The following NBEAL1 variants were observed in gnomAD, a reference collection of about 807,000 sequenced individuals.
The protein encoded by NBEAL1 is neurobeachin like 1.
In NBEAL1, 273 loss-of-function variants were observed where a neutral mutation model predicts 351.3. That is an observed-to-expected ratio of 0.78 (90% CI 0.70 to 0.86). The LOEUF is 0.86. Among genes scored for constraint, NBEAL1 ranks in the 40% least tolerant of loss-of-function variants. The pLI is 0.00. For missense variants in NBEAL1, 2,961 were observed against 3,201.3 expected (o/e 0.92, Z 1.81); for synonymous variants, 1,050 against 1,086.4 (o/e 0.97, Z 0.66).
intron 55 of NBEAL1, among the ~76,000 whole-genome samples, chr2:203,215,612 CAGG>C (rs2065882950): frequency 6.6e-6 from 1 of 151,744 alleles, no homozygotes; most frequent in African/African-American, 2.4e-5. Context: ...CGCTTGAACC[CAGG>C]AGGCGCAGGT....
chr2:203,217,793 G>T lies in NBEAL1; in HGVS notation c.*439G>T. On this transcript the variant is annotated 3_prime_UTR_variant, in exon 56 of 56. Transcript: ENST00000683969. ...TTTATTTATGGAACTCCTGATTGGGGATAATATTTTAAAGGTATCTGTTGC... is the reference window on the plus strand; with the variant it reads ...TTTATTTATGGAACTCCTGATTGGGTATAATATTTTAAAGGTATCTGTTGC... 1.0e-6 allele frequency: 1 copy of T among 982,610 alleles called. No individual in the cohort carries two copies. Among genetic ancestry groups the T allele is most frequent in the African/African-American group, 1.7e-5 (1 of 57,290 alleles). The allele number at this position is 982,610 out of a possible 1,614,324, so 60.9% of individuals were successfully genotyped here.
At chr2:203,118,344 A>G (rs1407267490) in intron 18 of NBEAL1, among the ~76,000 whole-genome samples, 1 of 152,200 alleles carries the variant, frequency 6.6e-6, no homozygotes. Context: ...TTTAGAAATG[A>G]ATCCTGGATC....
At chr2:203,101,496 C>T (rs773703654) in intron 12 of NBEAL1, among the ~76,000 whole-genome samples, 36 of 152,006 alleles carry the variant, frequency 2.4e-4, no homozygotes, top group Non-Finnish European at 2.9e-4. Flanking sequence ...TTTTTTGGTT[C>T]CATATTAATT....
chr2:203,203,769 A>C (rs1167879599), intron 51 of NBEAL1, among the ~76,000 whole-genome samples: 1 of 152,000 alleles, frequency 6.6e-6, no homozygotes, highest in Non-Finnish European at 1.5e-5. Flanking sequence ...ATTTCTTGGT[A>C]ATTTATTTAT....
intron 44 of NBEAL1, among the ~76,000 whole-genome samples, chr2:203,187,754 A>AT (rs1034444724): frequency 2.1e-4 from 32 of 152,030 alleles, no homozygotes; most frequent in African/African-American, 7.2e-4. Context: ...CAAAAAAAAA[A>AT]AAATCAAATA....
At chr2:203,188,188 G>A (rs2064966476) in intron 44 of NBEAL1, among the ~76,000 whole-genome samples, 2 of 151,796 alleles carry the variant, frequency 1.3e-5, no homozygotes, top group Admixed American at 1.3e-4. Flanking sequence ...CTCTTTTGCT[G>A]TTGTTTTTGG....
intron 36 of NBEAL1, among the ~76,000 whole-genome samples, chr2:203,163,789 C>T (rs181098548): frequency 6.6e-6 from 1 of 152,080 alleles, no homozygotes; most frequent in African/African-American, 2.4e-5. Context: ...CTTTAATCTC[C>T]AGGGTTATTT....
At position 203,127,925 on chromosome 2, in the gene NBEAL1, T is replaced by C. The variant is rs1338190804; in HGVS notation, c.3393T>C (p.Asn1131=). 1 of 1,549,514 alleles carries C rather than the reference T, an allele frequency of 6.5e-7. No individual in the cohort carries two copies. Among genetic ancestry groups the C allele is most frequent in the Admixed American group, 2.0e-5 (1 of 50,704 alleles). ...QSIMGYIAAT[N]EEEQLFGILD... ...TTATGGGGTACATAGCTGCTACTAA[T>C]GAAGAAGAACAGGTATTATGCCTAA... is the stretch of plus-strand genomic sequence containing the variant. The change falls in exon 24 of 56, where the codon AAT becomes AAC. Residue 1131 remains asparagine (N), a synonymous_variant. Coordinates refer to ENST00000683969, the MANE Select transcript of NBEAL1 (RefSeq NM_001378026.1).
Position 203,113,189 on chromosome 2 carries a change from A to C in NBEAL1, c.2377A>C (p.Lys793Gln). ...AATTGAAAAATCAAAATTGATTACC[A>C]AATTGATATCAGCTGGAACCCAAGA... Reference protein sequence around the residue: ...GTIEKSKLITKLISAGTQDSE... With the variant: ...GTIEKSKLITQLISAGTQDSE... The change falls in exon 17 of 56, where the codon AAA (lysine) becomes CAA (glutamine). Residue 793 changes from lysine (K) to glutamine (Q), a missense_variant. By Grantham distance (53) the Lys-to-Gln change is moderately conservative. Transcript: ENST00000683969. 1 of 1,551,656 alleles carries C rather than the reference A, an allele frequency of 6.4e-7. No individual in the cohort carries two copies. Among genetic ancestry groups the C allele is most frequent in the Non-Finnish European group, 8.7e-7 (1 of 1,146,760 alleles).
chr2:203,054,164 G>A (rs1394848948), intron 4 of NBEAL1, among the ~76,000 whole-genome samples: 1 of 152,084 alleles, frequency 6.6e-6, no homozygotes, highest in Admixed American at 6.5e-5. Context: ...AGTGGCTCAC[G>A]CCTGTAATCC....
At position 203,224,660 on chromosome 2, in the gene NBEAL1, A is replaced by T. The variant is rs2065989751; in HGVS notation, c.*7306A>T. ...AAATTGTGCTGCTACTTAAATATTGAAGGAATTCAGAAAGTTGTGTATTTA... is the reference window on the plus strand; with the variant it reads ...AAATTGTGCTGCTACTTAAATATTGTAGGAATTCAGAAAGTTGTGTATTTA... On this transcript the variant is annotated 3_prime_UTR_variant, in exon 56 of 56. Coordinates refer to ENST00000683969, the MANE Select transcript of NBEAL1 (RefSeq NM_001378026.1). 6.6e-6 allele frequency among the ~76,000 whole-genome samples: 1 copy of T among 152,122 alleles called. No individual in the cohort carries two copies. The highest frequency in any genetic ancestry group is 2.1e-4 in the South Asian group (1 of 4,832).
intron 38 of NBEAL1, among the ~76,000 whole-genome samples, chr2:203,168,022 T>A (rs2064190923): frequency 6.6e-6 from 1 of 152,234 alleles, no homozygotes; most frequent in African/African-American, 2.4e-5. Flanking sequence ...AATAACTAAT[T>A]TTCCATTCTT....
chr2:203,086,074 G>A (rs574202818), intron 10 of NBEAL1: 2 of 152,250 alleles, frequency 1.3e-5, no homozygotes, highest in South Asian at 2.1e-4. Flanking sequence ...AGTTAATGCA[G>A]ATTTGTAGAA....
intron 7 of NBEAL1, chr2:203,075,270 A>G (rs904005607): frequency 1.3e-5 from 2 of 152,112 alleles, no homozygotes; most frequent in East Asian, 1.9e-4. Flanking sequence ...TTCTTATTTA[A>G]ATTTATTGAG....
rs982946518 is a variant in NBEAL1, at chr2:203,041,820, A to T, written c.107A>T (p.Gln36Leu). 10 of 1,554,144 alleles carry T rather than the reference A, an allele frequency of 6.4e-6. No homozygotes were observed. The highest frequency in any genetic ancestry group is 8.7e-6 in the Non-Finnish European group (10 of 1,147,616). The change falls in exon 3 of 56, where the codon CAA becomes CTA. Residue 36 changes from glutamine (Q) to leucine (L), a missense_variant. Coordinates refer to ENST00000683969, the MANE Select transcript of NBEAL1 (RefSeq NM_001378026.1). ...WLDTFVSSYE[Q>L]FLDVDFEKLP... ...GACACTTTTGTTTCTAGCTATGAAC[A>T]ATTTTTAGACGTTGACTTTGAAAAG...
At chr2:203,131,190 A>G (rs1019963757) in intron 25 of NBEAL1, among the ~76,000 whole-genome samples, 1 of 152,138 alleles carries the variant, frequency 6.6e-6, no homozygotes, top group Non-Finnish European at 1.5e-5. Flanking sequence ...CTACAGATGA[A>G]TTTCAGTCCA....
intron 51 of NBEAL1, 94 bp downstream of exon 51, chr2:203,202,875 G>C (rs943784085): frequency 1.4e-6 from 1 of 723,372 alleles, no homozygotes; most frequent in Non-Finnish European, 2.4e-6. Flanking sequence ...TTGTTTTCTG[G>C]CAGTGACTGA....
At chr2:203,064,644 G>A (rs1467288569) in intron 6 of NBEAL1, among the ~76,000 whole-genome samples, 1 of 152,170 alleles carries the variant, frequency 6.6e-6, no homozygotes, top group Non-Finnish European at 1.5e-5. Flanking sequence ...AAAAAGGAGG[G>A]CTGGAGGACA....
intron 24 of NBEAL1, among the ~76,000 whole-genome samples, chr2:203,128,849 G>C (rs1453647684): frequency 6.6e-6 from 1 of 152,088 alleles, no homozygotes; most frequent in African/African-American, 2.4e-5. Context: ...GCCCGCCTCG[G>C]CCTCCCAAAG....
Sources: gnomAD v4.1 joint callset for allele counts (sites outside exome capture counted in the v4.1 genomes callset) on GRCh38, gnomAD v4.1.1 for gene constraint, MANE v1.5 for transcripts, NCBI Gene and HGNC (gene_info 2026-07-23, HGNC 2026-07-21) for gene names.